Variants in BCAR3 observed in about 807,000 individuals in gnomAD.
The protein encoded by BCAR3 is BCAR3 adaptor protein, NSP family member, also known as breast cancer anti-estrogen resistance protein 3.
BCAR3 carries 37 observed loss-of-function variants against 80.1 expected under a neutral mutation model. The ratio of observed to expected loss-of-function variants is 0.46; its 90% CI spans 0.36 to 0.61. The LOEUF is 0.61. Among genes scored for constraint, BCAR3 ranks in the 20% least tolerant of loss-of-function variants. BCAR3 has a pLI of 0.00. For missense variants in BCAR3, 978 were observed against 1,068.2 expected (o/e 0.92, Z 1.18); for synonymous variants, 389 against 418.9 (o/e 0.93, Z 0.87).
chr1:93,567,686 T>C (rs1557834171), intron 10 of BCAR3, 54 bp downstream of exon 10: 23 of 1,533,522 alleles, frequency 1.5e-5, no homozygotes, highest in Non-Finnish European at 2.1e-5. Context: ...CCTGTGTACT[T>C]GTACTCCACT....
chr1:93,797,241 G>A (rs984766991), intron 2 of BCAR3, among the ~76,000 whole-genome samples: 4 of 152,150 alleles, frequency 2.6e-5, no homozygotes, highest in African/African-American at 9.7e-5. Context: ...TTTAGCAATA[G>A]CATCATTATC....
intron 2 of BCAR3, among the ~76,000 whole-genome samples, chr1:93,802,127 CAAA>C (rs112615765): frequency 1.7e-5 from 2 of 114,384 alleles, no homozygotes. Context: ...GACTCCATCT[CAAA>C]AAAAAAAAAA....
chr1:93,710,097 C>T (rs1274940991), intron 2 of BCAR3, among the ~76,000 whole-genome samples: 1 of 152,150 alleles, frequency 6.6e-6, no homozygotes, highest in African/African-American at 2.4e-5. Flanking sequence ...AATATGAGTT[C>T]AAGTGTCCTA....
Position 93,806,761 on chromosome 1 carries a change from C to T in BCAR3, c.-63+38806G>A, listed in dbSNP as rs140413065. On this transcript the variant is annotated intron_variant, in intron 2 of 13. Coordinates refer to the BCAR3 transcript ENST00000370244. Reference sequence around the variant, plus strand: ...TTTCAATTTTCTTTAACTCAAAGCACTCATAATGTCAAAGCATCATATTTT... The same window carrying T: ...TTTCAATTTTCTTTAACTCAAAGCATTCATAATGTCAAAGCATCATATTTT... Among the ~76,000 whole-genome samples, 20 of 152,258 alleles carry T rather than the reference C, an allele frequency of 1.3e-4. No homozygotes were observed. In the East Asian group the frequency reaches 3.7e-3, roughly 28 times the overall value.
intron 2 of BCAR3, among the ~76,000 whole-genome samples, chr1:93,784,529 A>G (rs1652876426): frequency 6.6e-6 from 1 of 152,148 alleles, no homozygotes; most frequent in Non-Finnish European, 1.5e-5. Context: ...AAAACCCAAG[A>G]GCCAAAGGGG....
At chr1:93,762,898 A>G (rs1652003945) in intron 2 of BCAR3, among the ~76,000 whole-genome samples, 1 of 151,204 alleles carries the variant, frequency 6.6e-6, no homozygotes, top group Admixed American at 6.6e-5. Context: ...TCTTCTCTCC[A>G]CCTTAGCTTA....
intron 2 of BCAR3, among the ~76,000 whole-genome samples, chr1:93,664,746 T>G (rs1647820402): frequency 6.6e-6 from 1 of 152,066 alleles, no homozygotes; most frequent in Non-Finnish European, 1.5e-5. Flanking sequence ...TTGAATAGGG[T>G]AAGAACAAGA....
At chr1:93,728,321 C>A (rs1361079099) in intron 2 of BCAR3, among the ~76,000 whole-genome samples, 1 of 152,198 alleles carries the variant, frequency 6.6e-6, no homozygotes, top group African/African-American at 2.4e-5. Context: ...CGTGGGGCTC[C>A]CACCCCATGG....
intron 2 of BCAR3, among the ~76,000 whole-genome samples, chr1:93,666,190 T>C (rs1647903506): frequency 6.6e-6 from 1 of 152,122 alleles, no homozygotes; most frequent in Non-Finnish European, 1.5e-5. Flanking sequence ...ACAGAGAAAA[T>C]CTGAAGTCCT....
chr1:93,801,344 T>G (rs1298045024), intron 2 of BCAR3, among the ~76,000 whole-genome samples: 1 of 152,228 alleles, frequency 6.6e-6, no homozygotes, highest in African/African-American at 2.4e-5. Flanking sequence ...TTTCACTAGT[T>G]CCAAAGTGTG....
intron 2 of BCAR3, among the ~76,000 whole-genome samples, chr1:93,713,074 C>T (rs145665413): frequency 1.3e-5 from 2 of 152,290 alleles, no homozygotes; most frequent in East Asian, 3.9e-4. Context: ...ACTATGGTTG[C>T]CAGGAGACAT....
chr1:93,643,545 CAAAAAAAAAAAAA>C (rs547667389), intron 2 of BCAR3, among the ~76,000 whole-genome samples: 14 of 22,304 alleles, frequency 6.3e-4, no homozygotes, highest in East Asian at 2.1e-3. Context: ...GACTCTTTCT[CAAAAAAAAAAAAA>C]AAAAAAAAAA....
chr1:93,803,518 C>T (rs1653562042), intron 2 of BCAR3, among the ~76,000 whole-genome samples: 1 of 152,102 alleles, frequency 6.6e-6, no homozygotes, highest in Admixed American at 6.6e-5. Flanking sequence ...AGAGAGAGGT[C>T]CAGATTCCAT....
chr1:93,573,639 T>TATTATTATTATTA lies in BCAR3; in HGVS notation c.1803-1799_1803-1798insTAATAATAATAAT, dbSNP rs373537051. ...TATTATTATTATTATTATTATTTTT[T>TATTATTATTATTA]TTTTTTTGAGACAGGGTTTTGCTCT... On this transcript the variant is annotated intron_variant, in intron 8 of 11. Transcript: ENST00000260502. Among the ~76,000 whole-genome samples the TATTATTATTATTA allele has an allele frequency of 3.1e-3, 425 of 139,062 alleles. 5 individuals are homozygous for TATTATTATTATTA. The highest frequency in any genetic ancestry group is 0.011 in the African/African-American group (402 of 37,580). The allele number at this position is 139,062 out of a possible 152,430, so 91.2% of individuals were successfully genotyped here.
At chr1:93,735,643 A>C (rs1321303567) in intron 2 of BCAR3, among the ~76,000 whole-genome samples, 2 of 152,198 alleles carry the variant, frequency 1.3e-5, no homozygotes, top group Non-Finnish European at 2.9e-5. Flanking sequence ...ATTTTGAAAA[A>C]TACATATAGT....
intron 3 of BCAR3, among the ~76,000 whole-genome samples, chr1:93,621,483 A>T (rs1675309377): frequency 6.6e-6 from 1 of 152,172 alleles, no homozygotes; most frequent in South Asian, 2.1e-4. Context: ...GTAGGAAGGG[A>T]GGTGAGAATA....
At chr1:93,800,553 G>A (rs1388454338) in intron 2 of BCAR3, among the ~76,000 whole-genome samples, 2 of 151,240 alleles carry the variant, frequency 1.3e-5, no homozygotes, top group African/African-American at 4.9e-5. Flanking sequence ...TCCAGCCTGG[G>A]TGACAGAGTG....
intron 2 of BCAR3, among the ~76,000 whole-genome samples, chr1:93,714,847 C>G (rs184148911): frequency 6.6e-6 from 1 of 152,156 alleles, no homozygotes; most frequent in East Asian, 1.9e-4. Flanking sequence ...CCGTGACTTT[C>G]GCAGTTTTGT....
chr1:93,571,431 G>A, intron 9 of BCAR3: 8 of 456,934 alleles, frequency 1.8e-5, no homozygotes, highest in South Asian at 1.7e-4. Flanking sequence ...CTGGGAGGTG[G>A]AGGTTGCAGT....
Sources: allele counts gnomAD v4.1 joint callset (sites outside exome capture counted in the v4.1 genomes callset), GRCh38; gene constraint gnomAD v4.1.1; transcripts MANE v1.5; gene names NCBI Gene and HGNC (gene_info 2026-07-23, HGNC 2026-07-21).